Variants in GRAMD2A observed in about 807,000 individuals in gnomAD.
The protein encoded by GRAMD2A is GRAM domain-containing protein 2A.
GRAMD2A carries 37 observed loss-of-function variants against 51.1 expected under a neutral mutation model. The ratio of observed to expected loss-of-function variants is 0.72; its 90% CI spans 0.56 to 0.95. GRAMD2A has a LOEUF of 0.95. Ranked by LOEUF, GRAMD2A falls within the 40% of genes least tolerant of loss-of-function variation. The pLI is 0.00. For synonymous variants in GRAMD2A, 136 were observed against 157.1 expected (o/e 0.87, Z 1.01); for missense variants, 414 against 426.9 (o/e 0.97, Z 0.27).
intron 5 of GRAMD2A, 62 bp downstream of exon 5, chr15:72,167,674 C>G: frequency 7.8e-7 from 1 of 1,283,900 alleles, no homozygotes. Context: ...TGAGGCATGC[C>G]CGTGGGGCAG....
intron 3 of GRAMD2A, 100 bp downstream of exon 3, chr15:72,168,839 T>A: frequency 1.8e-6 from 2 of 1,094,162 alleles, no homozygotes; most frequent in South Asian, 1.3e-5. Flanking sequence ...CCTGATTTCC[T>A]GATGACAGGC....
chr15:72,163,333 C>T lies in GRAMD2A; in HGVS notation c.889G>A (p.Glu297Lys), dbSNP rs1392346163. The T allele has an allele frequency of 6.2e-7, 1 of 1,614,032 alleles. No individual in the cohort carries two copies. The highest frequency in any genetic ancestry group is 8.5e-7 in the Non-Finnish European group (1 of 1,179,990). ...AGCTCCCCAGTGCTCCTGGGCTCCT[C>T]CTCCAGCTCATCCTCCTCATAGACA... is the stretch of plus-strand genomic sequence containing the variant. ...NAVYEEDELE[E>K]EPRSTGELRL... Residue 297 changes from glutamate to lysine, a missense_variant, in exon 10 of 12, where the codon GAG becomes AAG. By Grantham distance (56) the Glu-to-Lys change is moderately conservative. Transcript: ENST00000309731.
intron 3 of GRAMD2A, 111 bp from the exon 4 acceptor site, chr15:72,168,677 A>G (rs899363727): frequency 2.3e-6 from 2 of 888,176 alleles, no homozygotes; most frequent in African/African-American, 3.3e-5. Flanking sequence ...CTGGGGACTT[A>G]GCATGAGGCA....
rs2081548032 is a variant in GRAMD2A, at chr15:72,166,627, C to T, written c.543+5G>A. Reference sequence around the variant, plus strand: ...CCCTGGCCTTCCTGCTCCCAAGCTCCATACCTGTAGGTGGGTGCAGACTCT... The same window carrying T: ...CCCTGGCCTTCCTGCTCCCAAGCTCTATACCTGTAGGTGGGTGCAGACTCT... On this transcript the variant is annotated splice_donor_5th_base_variant and intron_variant, in intron 7 of 11. Coordinates refer to ENST00000309731, the MANE Select transcript of GRAMD2A (RefSeq NM_001012642.3). This position sits in a 1 kb window ranked among gnomAD's most constrained non-coding sequence, Gnocchi z 4.1. 6.2e-7 allele frequency: 1 copy of T among 1,612,076 alleles called. No individual in the cohort carries two copies. The highest frequency in any genetic ancestry group is 8.5e-7 in the Non-Finnish European group (1 of 1,178,362).
chr15:72,178,788 A>C (rs1017083945), intron 1 of GRAMD2A, among the ~76,000 whole-genome samples: 1 of 151,588 alleles, frequency 6.6e-6, no homozygotes, highest in Non-Finnish European at 1.5e-5. Flanking sequence ...GTTAGCCAGG[A>C]TGGTCTTGAT....
intron 1 of GRAMD2A, among the ~76,000 whole-genome samples, chr15:72,183,327 C>T (rs1378054708): frequency 2.0e-5 from 3 of 150,846 alleles, no homozygotes; most frequent in Non-Finnish European, 3.0e-5. Context: ...CCAGCCTGGC[C>T]AATAGGGTGA....
intron 1 of GRAMD2A, among the ~76,000 whole-genome samples, chr15:72,188,936 A>C (rs898107834): frequency 2.0e-5 from 3 of 152,168 alleles, no homozygotes; most frequent in African/African-American, 7.2e-5. Context: ...TGCCCACCTC[A>C]GCTCCTGAAG....
intron 1 of GRAMD2A, among the ~76,000 whole-genome samples, chr15:72,171,801 T>G (rs2081612293): frequency 6.6e-6 from 1 of 151,924 alleles, no homozygotes; most frequent in Non-Finnish European, 1.5e-5. Flanking sequence ...TTGAAGTTCT[T>G]TCTTCATTTG....
chr15:72,171,748 G>A (rs539163803), intron 1 of GRAMD2A, among the ~76,000 whole-genome samples: 1 of 152,054 alleles, frequency 6.6e-6, no homozygotes, highest in Non-Finnish European at 1.5e-5. Context: ...GAAGTTCATT[G>A]TCTTATAGAG....
At chr15:72,192,569 G>T (rs1301823396) in intron 1 of GRAMD2A, among the ~76,000 whole-genome samples, 2 of 152,176 alleles carry the variant, frequency 1.3e-5, no homozygotes, top group Non-Finnish European at 2.9e-5. Flanking sequence ...GTTTGGTCAG[G>T]CATACTGCCC....
At chr15:72,187,016 C>G (rs1004686182) in intron 1 of GRAMD2A, among the ~76,000 whole-genome samples, 3 of 150,582 alleles carry the variant, frequency 2.0e-5, no homozygotes, top group African/African-American at 7.3e-5. Context: ...AAAAAATTAG[C>G]TGGGTGTGGT....
rs1348668612 is a variant in GRAMD2A, at chr15:72,161,051, C to G, written c.*958G>C. 3 of 152,300 alleles carry G rather than the reference C, an allele frequency of 2.0e-5. No individual in the cohort carries two copies. The highest frequency in any genetic ancestry group is 7.2e-5 in the African/African-American group (3 of 41,452). The allele number at this position is 152,300 out of a possible 1,614,324, so 9.4% of individuals were successfully genotyped here. On this transcript the variant is annotated 3_prime_UTR_variant, in exon 12 of 12. Transcript: ENST00000309731. Reference sequence around the variant, plus strand: ...CACACGCAACTGTCCAGACAAGCCCCCCTCAACGGGCTGCTGTTGGCCATG... The same window carrying G: ...CACACGCAACTGTCCAGACAAGCCCGCCTCAACGGGCTGCTGTTGGCCATG...
intron 1 of GRAMD2A, among the ~76,000 whole-genome samples, chr15:72,185,818 G>C (rs2081731077): frequency 6.6e-6 from 1 of 152,188 alleles, no homozygotes; most frequent in African/African-American, 2.4e-5. Context: ...TCCAATAAAT[G>C]ATATTGGGGC....
At chr15:72,192,936 C>T (rs920047573) in intron 1 of GRAMD2A, among the ~76,000 whole-genome samples, 2 of 152,010 alleles carry the variant, frequency 1.3e-5, no homozygotes, top group East Asian at 1.9e-4. Context: ...ACCAGTCTGA[C>T]CAACATGCAG....
At chr15:72,186,356 G>T (rs1400728829) in intron 1 of GRAMD2A, among the ~76,000 whole-genome samples, 1 of 146,424 alleles carries the variant, frequency 6.8e-6, no homozygotes, top group Non-Finnish European at 1.5e-5. Flanking sequence ...ACAGAGTCTC[G>T]CTCTATCACC....
intron 1 of GRAMD2A, among the ~76,000 whole-genome samples, chr15:72,174,512 T>TA (rs2081637713): frequency 1.3e-5 from 2 of 152,074 alleles, no homozygotes; most frequent in Non-Finnish European, 1.5e-5. Context: ...CTGGAAGCCA[T>TA]AAAAAACTAC....
In GRAMD2A at chr15:72,161,777, G is replaced by T; in HGVS notation, c.*232C>A. 1.9e-6 allele frequency: 1 copy of T among 536,716 alleles called. No homozygotes were observed. The highest frequency in any genetic ancestry group is 3.4e-6 in the Non-Finnish European group (1 of 295,234). 33.2% of individuals were successfully genotyped at this position (536,716 alleles called of 1,614,324 possible). On this transcript the variant is annotated 3_prime_UTR_variant, in exon 12 of 12. Coordinates refer to ENST00000309731, the MANE Select transcript of GRAMD2A (RefSeq NM_001012642.3). ...TTCCTCAGTTGGTTCCAAAAAATCT[G>T]GCTTTTTGCTTGAGTCCAAAAATTG...
At chr15:72,178,553 G>A (rs2081671324) in intron 1 of GRAMD2A, among the ~76,000 whole-genome samples, 1 of 148,492 alleles carries the variant, frequency 6.7e-6, no homozygotes, top group African/African-American at 2.5e-5. Flanking sequence ...TGTCATTATT[G>A]CTGTCTTGCA....
At chr15:72,163,544 A>G in intron 9 of GRAMD2A, 68 bp from the exon 10 acceptor site, 5 of 1,597,890 alleles carry the variant, frequency 3.1e-6, no homozygotes, top group Non-Finnish European at 4.3e-6. Context: ...AGCCCTTTTT[A>G]TGGAACTGGG....
Sources: gnomAD v4.1 joint callset for allele counts (sites outside exome capture counted in the v4.1 genomes callset) on GRCh38, gnomAD v4.1.1 for gene constraint, Gnocchi (gnomAD v3.1) non-coding constraint, MANE v1.5 for transcripts, NCBI Gene and HGNC (gene_info 2026-07-23, HGNC 2026-07-21) for gene names.